CDH1: variants seen among roughly 807,000 people sequenced by gnomAD.
The protein encoded by CDH1 is cadherin 1.
A neutral mutation model predicts 84.5 loss-of-function variants in CDH1; 35 were observed. That is an observed-to-expected ratio of 0.41 (90% CI 0.32 to 0.55). The LOEUF (loss-of-function observed/expected upper bound fraction) is 0.55, where lower values mean the gene tolerates loss of function less well. Ranked by LOEUF, CDH1 falls within the 20% of genes least tolerant of loss-of-function variation. CDH1 has a pLI of 0.19. For synonymous variants in CDH1, 417 were observed against 439.0 expected, an observed-to-expected ratio of 0.95 and a Z score of 0.63; for missense variants, 994 against 1,126.6, an observed-to-expected ratio of 0.88 and a Z score of 1.68.
At chr16:68,754,116 CAAAA>C (rs34969874) in intron 2 of CDH1, among the ~76,000 whole-genome samples, 2 of 121,944 alleles carry the variant, frequency 1.6e-5, no homozygotes, top group Non-Finnish European at 1.7e-5. Flanking sequence ...GATTCTGTCT[CAAAA>C]AAAAAAAAAA....
intron 4 of CDH1, 42 bp from the exon 5 acceptor site, chr16:68,808,651 G>T (rs2152129977): frequency 1.9e-6 from 3 of 1,613,394 alleles, no homozygotes; most frequent in Non-Finnish European, 2.5e-6. Context: ...CCAGTGTTGG[G>T]ATCCTTCTTT....
intron 2 of CDH1, among the ~76,000 whole-genome samples, chr16:68,790,662 G>A (rs938965026): frequency 3.9e-5 from 6 of 152,126 alleles, no homozygotes; most frequent in South Asian, 2.1e-4. Flanking sequence ...GCCTAATGTC[G>A]CTGCCAACTC....
At chr16:68,739,107 A>G (rs1254627501) in intron 2 of CDH1, among the ~76,000 whole-genome samples, 1 of 151,304 alleles carries the variant, frequency 6.6e-6, no homozygotes, top group East Asian at 1.9e-4. Flanking sequence ...GTGCCACCAC[A>G]CCTGGATAAT....
chr16:68,791,080 G>A (rs989590371), intron 2 of CDH1, among the ~76,000 whole-genome samples: 1 of 152,192 alleles, frequency 6.6e-6, no homozygotes. Context: ...CCACTTGAAT[G>A]TTGGCCCCCG....
At position 68,835,018 on chromosome 16, in the gene CDH1, C is replaced by T. The variant is rs35164475; in HGVS notation, c.*1519C>T. ...AGATCCGTGGTTTGTACTCAAAGCC[C>T]AGAATCCCCAAGTGCCTGCTTTTGA... On this transcript the variant is annotated 3_prime_UTR_variant, in exon 16 of 16. Transcript: ENST00000261769. 70 of 232,068 alleles carry T rather than the reference C, an allele frequency of 3.0e-4. No individual in the cohort carries two copies. Among genetic ancestry groups the T allele is most frequent in the African/African-American group, 1.5e-3 (70 of 45,376 alleles). The allele number at this position is 232,068 out of a possible 1,614,324, so 14.4% of individuals were successfully genotyped here.
At chr16:68,791,226 C>T (rs545913855) in intron 2 of CDH1, among the ~76,000 whole-genome samples, 6 of 152,204 alleles carry the variant, frequency 3.9e-5, no homozygotes, top group African/African-American at 4.8e-5. Context: ...CCCGCACTGC[C>T]GCCTGCTCTC....
rs555202424 is a variant in CDH1 at position 68,738,964 on chromosome 16, T to TTTTTTTTTTTTTTTTTTA, written c.163+553_163+554insTTTTTTTTTTTTTTTTTA. 9.3e-4 allele frequency among the ~76,000 whole-genome samples: 61 copies of TTTTTTTTTTTTTTTTTTA among 65,410 alleles called. 22 individuals are homozygous for TTTTTTTTTTTTTTTTTTA. Among genetic ancestry groups the TTTTTTTTTTTTTTTTTTA allele is most frequent in the Non-Finnish European group, 1.2e-3 (41 of 35,548 alleles). 42.9% of individuals were successfully genotyped at this position (65,410 alleles called of 152,430 possible). On this transcript the variant is annotated intron_variant, in intron 2 of 15. Transcript: ENST00000261769. ...TTTTTTTTTTTTTTTTTTTTTTTTT[T>TTTTTTTTTTTTTTTTTTA]AAAGACAGGGTCTTGCTCTGTTGCC...
chr16:68,787,972 T>C (rs372621358), intron 2 of CDH1, among the ~76,000 whole-genome samples: 2 of 151,524 alleles, frequency 1.3e-5, no homozygotes, highest in East Asian at 1.9e-4. Context: ...ATTATAGGCA[T>C]GTGCCACCAC....
intron 12 of CDH1, among the ~76,000 whole-genome samples, chr16:68,822,435 C>A (rs1961181303): frequency 6.6e-6 from 1 of 151,986 alleles, no homozygotes; most frequent in Admixed American, 6.6e-5. Flanking sequence ...ACCCAGTAAT[C>A]TAAAACCCAA....
chr16:68,781,789 C>T (rs528154793), intron 2 of CDH1, among the ~76,000 whole-genome samples: 1 of 152,238 alleles, frequency 6.6e-6, no homozygotes, highest in East Asian at 1.9e-4. Context: ...TATCTTTAAT[C>T]CCTTTGGGAT....
rs534393765 is a variant in CDH1 at position 68,774,975 on chromosome 16, A to G, written c.164-26695A>G. On this transcript the variant is annotated intron_variant, in intron 2 of 15. Coordinates refer to ENST00000261769, the MANE Select transcript of CDH1 (RefSeq NM_004360.5). ...TACATAAAAGTTGAGAAATAGTACA[A>G]TGAAGCCAAGCATGGTGGTGCGCAC... 1.1e-4 allele frequency among the ~76,000 whole-genome samples: 17 copies of G among 152,274 alleles called. No individual in the cohort carries two copies. The East Asian group carries it at 3.1e-3, about 28-fold the overall frequency.
At chr16:68,824,979 G>A (rs927955052) in intron 13 of CDH1, among the ~76,000 whole-genome samples, 3 of 152,150 alleles carry the variant, frequency 2.0e-5, no homozygotes, top group Non-Finnish European at 2.9e-5. Context: ...AGAAACCTTT[G>A]ACCTGGTATG....
chr16:68,797,964 C>T (rs576733902), intron 2 of CDH1, among the ~76,000 whole-genome samples: 5 of 151,096 alleles, frequency 3.3e-5, no homozygotes, highest in East Asian at 3.9e-4. Context: ...CTGTAATCCC[C>T]GCTACTCGGG....
At chr16:68,745,629 A>ATGTGTATATATATATATATATATGTG (rs1567475461) in intron 2 of CDH1, among the ~76,000 whole-genome samples, 159 of 146,688 alleles carry the variant, frequency 1.1e-3, no homozygotes, top group African/African-American at 3.5e-3. Context: ...ATATATATGT[A>ATGTGTATATATATATATATATATGTG]TATATATTTC....
chr16:68,742,043 T>C (rs1962579643), intron 2 of CDH1, among the ~76,000 whole-genome samples: 1 of 152,138 alleles, frequency 6.6e-6, no homozygotes, highest in African/African-American at 2.4e-5. Flanking sequence ...AAACCCAGGC[T>C]ATTAGACAGT....
chr16:68,825,395 A>G (rs1362681330), intron 13 of CDH1, among the ~76,000 whole-genome samples: 1 of 152,146 alleles, frequency 6.6e-6, no homozygotes, highest in Non-Finnish European at 1.5e-5. Context: ...TGGGAATGGA[A>G]AAAGAATTTT....
intron 2 of CDH1, among the ~76,000 whole-genome samples, chr16:68,800,412 A>T (rs1388398107): frequency 1.3e-5 from 2 of 152,116 alleles, no homozygotes; most frequent in Non-Finnish European, 2.9e-5. Context: ...TTCTCTGGCA[A>T]GGGCAGGGCT....
At chr16:68,801,589 C>A in intron 2 of CDH1, 81 bp from the exon 3 acceptor site, 1 of 1,198,654 alleles carries the variant, frequency 8.3e-7, no homozygotes, top group Non-Finnish European at 1.2e-6. Flanking sequence ...GGAGTCTTCC[C>A]ACAAGTTCGC....
chr16:68,737,340 A>G lies in CDH1; in HGVS notation c.-76A>G. ...CCTGTGAGCTTGCGGAAGTCAGTTCAGACTCCAGCCCGCTCCAGCCCGGCC... is the reference window on the plus strand; with the variant it reads ...CCTGTGAGCTTGCGGAAGTCAGTTCGGACTCCAGCCCGCTCCAGCCCGGCC... On this transcript the variant is annotated 5_prime_UTR_variant, in exon 1 of 16. Coordinates refer to ENST00000261769, the MANE Select transcript of CDH1 (RefSeq NM_004360.5). The G allele has an allele frequency of 7.8e-7, 1 of 1,280,644 alleles. No homozygotes were observed. The highest frequency in any genetic ancestry group is 1.1e-6 in the Non-Finnish European group (1 of 929,582). 79.3% of individuals were successfully genotyped at this position (1,280,644 alleles called of 1,614,324 possible).
Sources: allele counts gnomAD v4.1 joint callset (sites outside exome capture counted in the v4.1 genomes callset), GRCh38; gene constraint gnomAD v4.1.1; transcripts MANE v1.5; gene names NCBI Gene and HGNC (gene_info 2026-07-23, HGNC 2026-07-21).